IGF1R: variants seen among roughly 807,000 people sequenced by gnomAD.
IGF1R encodes the protein insulin like growth factor 1 receptor, also known as insulin-like growth factor 1 receptor.
Under a neutral mutation model 144.6 loss-of-function variants are expected in IGF1R, and 44 were observed. The ratio of observed to expected loss-of-function variants is 0.30; its 90% CI spans 0.24 to 0.39. The LOEUF is 0.39. Among genes scored for constraint, IGF1R ranks in the 10% least tolerant of loss-of-function variants. The pLI is 1.00. For synonymous variants in IGF1R, 795 were observed against 722.8 expected (o/e 1.10, Z -1.60); for missense variants, 1,355 against 1,833.7 (o/e 0.74, Z 4.77).
intron 1 of IGF1R, among the ~76,000 whole-genome samples, chr15:98,676,166 A>G (rs1012797715): frequency 4.6e-5 from 7 of 151,648 alleles, no homozygotes; most frequent in African/African-American, 1.7e-4. Flanking sequence ...TTGTAGACAA[A>G]GTCTCACTCT....
intron 1 of IGF1R, among the ~76,000 whole-genome samples, chr15:98,689,234 CTTTTT>C (rs890361771): frequency 4.0e-5 from 4 of 100,916 alleles, no homozygotes; most frequent in Non-Finnish European, 5.8e-5. Flanking sequence ...AGTTGCACTA[CTTTTT>C]TTTTTTTTTT....
intron 1 of IGF1R, among the ~76,000 whole-genome samples, chr15:98,703,223 A>C (rs913751821): frequency 7.9e-5 from 12 of 152,058 alleles, no homozygotes; most frequent in African/African-American, 2.9e-4. Context: ...GGATCATGCC[A>C]ATATCGGTTG....
intron 2 of IGF1R, among the ~76,000 whole-genome samples, chr15:98,875,255 G>C (rs978291790): frequency 1.3e-5 from 2 of 151,436 alleles, no homozygotes; most frequent in Non-Finnish European, 2.9e-5. Context: ...TTTGTTTTCA[G>C]ATTATTCAAG....
chr15:98,865,509 T>G (rs1295000442), intron 2 of IGF1R, among the ~76,000 whole-genome samples: 1 of 152,118 alleles, frequency 6.6e-6, no homozygotes, highest in Non-Finnish European at 1.5e-5. Context: ...CCACCGTCCC[T>G]CACGTGGTCC....
intron 1 of IGF1R, among the ~76,000 whole-genome samples, chr15:98,667,373 A>G (rs1188102096): frequency 6.6e-6 from 1 of 152,014 alleles, no homozygotes; most frequent in Non-Finnish European, 1.5e-5. Context: ...GGACTGCCTC[A>G]TTACAGAGGG....
intron 1 of IGF1R, among the ~76,000 whole-genome samples, chr15:98,694,767 G>A (rs1449778947): frequency 6.6e-6 from 1 of 152,222 alleles, no homozygotes; most frequent in African/African-American, 2.4e-5. Flanking sequence ...AGGGATCTTT[G>A]TGTGATCTGC....
intron 10 of IGF1R, 109 bp from the exon 11 acceptor site, chr15:98,922,039 T>A: frequency 8.2e-7 from 1 of 1,216,944 alleles, no homozygotes; most frequent in Non-Finnish European, 1.2e-6. Flanking sequence ...GGGGGCTCAA[T>A]AGCTCCTTCT....
chr15:98,877,512 T>TC (rs2013120761), intron 2 of IGF1R, among the ~76,000 whole-genome samples: 1 of 138,882 alleles, frequency 7.2e-6, no homozygotes, highest in African/African-American at 2.8e-5. Flanking sequence ...TTTTTTTTTT[T>TC]TCCCCAAAAA....
chr15:98,691,666 G>A (rs1169779012), intron 1 of IGF1R, among the ~76,000 whole-genome samples: 1 of 152,032 alleles, frequency 6.6e-6, no homozygotes, highest in Non-Finnish European at 1.5e-5. Context: ...CCCGGCCCAT[G>A]GTTTTCTTAT....
chr15:98,716,949 C>G (rs1011814122), intron 2 of IGF1R, among the ~76,000 whole-genome samples: 2 of 152,184 alleles, frequency 1.3e-5, no homozygotes, highest in Non-Finnish European at 2.9e-5. Flanking sequence ...GGGGCAGAAG[C>G]TACCATCCTG....
chr15:98,816,910 T>G (rs890530332), intron 2 of IGF1R, among the ~76,000 whole-genome samples: 5 of 152,226 alleles, frequency 3.3e-5, no homozygotes, highest in African/African-American at 7.2e-5. Context: ...TGTATGGATC[T>G]GAGATCCTCA....
intron 2 of IGF1R, among the ~76,000 whole-genome samples, chr15:98,778,738 G>A (rs906531014): frequency 6.6e-6 from 1 of 152,212 alleles, no homozygotes; most frequent in East Asian, 1.9e-4. Context: ...CTTCCCAGGG[G>A]CCTTGTGTCA....
intron 2 of IGF1R, among the ~76,000 whole-genome samples, chr15:98,780,175 AAAG>A (rs1330845392): frequency 6.6e-6 from 1 of 151,018 alleles, no homozygotes; most frequent in Non-Finnish European, 1.5e-5. Flanking sequence ...TAAAATAAAA[AAAG>A]AAAAAAGAAA....
In IGF1R at chr15:98,842,657, C is replaced by T. The variant is rs567216653; in HGVS notation, c.641-48668C>T. 4.6e-5 allele frequency among the ~76,000 whole-genome samples: 7 copies of T among 152,312 alleles called. No homozygotes were observed. In the South Asian group the frequency reaches 1.5e-3, roughly 32 times the overall value. On this transcript the variant is annotated intron_variant, in intron 2 of 20. Transcript: ENST00000650285. Reference sequence around the variant, plus strand: ...GAAGGCTAAAACAGGCCTGGGGAAACACTGTCTTTTGGCAAAGAAAGACAA... The same window carrying T: ...GAAGGCTAAAACAGGCCTGGGGAAATACTGTCTTTTGGCAAAGAAAGACAA...
chr15:98,821,402 A>G (rs1421267198), intron 2 of IGF1R, among the ~76,000 whole-genome samples: 3 of 152,136 alleles, frequency 2.0e-5, no homozygotes, highest in Non-Finnish European at 4.4e-5. Flanking sequence ...ATATAAGTTA[A>G]TAGTAAGTAG....
intron 2 of IGF1R, among the ~76,000 whole-genome samples, chr15:98,854,193 C>G (rs904099913): frequency 1.3e-5 from 2 of 152,152 alleles, no homozygotes; most frequent in Non-Finnish European, 1.5e-5. Flanking sequence ...TTCTGGGCAT[C>G]ATGACTCTCT....
At chr15:98,933,436 T>G (rs2016020360) in intron 15 of IGF1R, among the ~76,000 whole-genome samples, 1 of 152,062 alleles carries the variant, frequency 6.6e-6, no homozygotes, top group Non-Finnish European at 1.5e-5. Flanking sequence ...CTCAACCTCC[T>G]GGGCTCAGGC....
intron 1 of IGF1R, among the ~76,000 whole-genome samples, chr15:98,668,687 A>G (rs1474509358): frequency 2.0e-5 from 3 of 152,140 alleles, no homozygotes; most frequent in Non-Finnish European, 4.4e-5. Context: ...GAGAGCTTAA[A>G]TTTCACTCTC....
intron 2 of IGF1R, among the ~76,000 whole-genome samples, chr15:98,829,832 A>G (rs1303188201): frequency 1.3e-5 from 2 of 152,238 alleles, no homozygotes; most frequent in Admixed American, 1.3e-4. Context: ...GACCACTGCT[A>G]TGTTTTGGTG....
Sources: gnomAD v4.1 joint callset for allele counts (sites outside exome capture counted in the v4.1 genomes callset) on GRCh38, gnomAD v4.1.1 for gene constraint, MANE v1.5 for transcripts, NCBI Gene and HGNC (gene_info 2026-07-23, HGNC 2026-07-21) for gene names.